SPTBN5: variants seen among roughly 807,000 people sequenced by gnomAD.
SPTBN5 encodes the protein spectrin beta chain, non-erythrocytic 5.
A neutral mutation model predicts 477.6 loss-of-function variants in SPTBN5; 513 were observed. The observed-to-expected ratio is 1.07, with a 90% confidence interval of 1.00 to 1.16. SPTBN5 has a LOEUF of 1.16. Ranked by LOEUF, SPTBN5 falls within the 50% of genes most tolerant of loss-of-function variation. The probability of loss-of-function intolerance (pLI) is 0.00; values close to 1 mark genes in which losing one functional copy is unlikely to be tolerated. For synonymous variants in SPTBN5, 2,169 were observed against 2,011.7 expected (o/e 1.08, Z -2.09); for missense variants, 5,062 against 4,731.8 (o/e 1.07, Z -2.05).
rs1220669399 is a variant in SPTBN5, at chr15:41,848,299, CAG to C, written c.*315_*316del. Reference sequence around the variant, plus strand: ...GCACACGTCTGCGTCTACCTGTGCTCAGAGTCACCCCTTCCAAGCAAGGAGGA... The same window carrying C: ...GCACACGTCTGCGTCTACCTGTGCTCAGTCACCCCTTCCAAGCAAGGAGGA... On this transcript the variant is annotated 3_prime_UTR_variant, in exon 68 of 68. Transcript: ENST00000320955. 2.3e-5 allele frequency: 12 copies of C among 528,478 alleles called. No individual in the cohort carries two copies. Among genetic ancestry groups the C allele is most frequent in the South Asian group, 1.1e-4 (5 of 47,030 alleles). 32.7% of individuals were successfully genotyped at this position (528,478 alleles called of 1,614,324 possible).
Position 41,855,420 on chromosome 15 carries a change from A to T in SPTBN5, c.9227T>A (p.Val3076Glu). 1.2e-6 allele frequency: 2 copies of T among 1,601,882 alleles called. No homozygotes were observed. The highest frequency in any genetic ancestry group is 1.7e-6 in the Non-Finnish European group (2 of 1,175,956). ...CCGAACTGCCTGCAGCTGGGCTAGC[A>T]CCTTGGGGCTGTGGGAAGAGAGCGA... ...ESRKNPESPK[V>E]LAQLQAVREA... Residue 3076 changes from valine to glutamate, a missense_variant, in exon 55 of 68, where the codon GTG (valine) becomes GAG (glutamate). Physicochemically the swap from Val to Glu is moderately radical, Grantham distance 121. Transcript: ENST00000320955.
rs370876817 is a variant in SPTBN5 at position 41,879,783 on chromosome 15, G to A, written c.2893C>T (p.Pro965Ser). 88 of 1,613,942 alleles carry A rather than the reference G, an allele frequency of 5.5e-5. No individual in the cohort carries two copies. The highest frequency in any genetic ancestry group is 6.9e-5 in the Non-Finnish European group (82 of 1,179,922). ...CGTTGGATTTGTGTGGAGTTCCCAG[G>A]ATATCTCTGCCTCAGTTGCTCAGCA... ...SSAEQLRQRY[P>S]GNSTQIQRQQ... is the part of the protein sequence containing the mutation. Residue 965 changes from proline to serine, a missense_variant, in exon 15 of 68, where the codon CCT becomes TCT. Pro to Ser is a moderately conservative substitution (Grantham distance 74). Transcript: ENST00000320955.
Position 41,868,223 on chromosome 15 carries a change from G to C in SPTBN5, c.6058-5C>G, listed in dbSNP as rs1412443101. On this transcript the variant is annotated splice_region_variant and splice_polypyrimidine_tract_variant and intron_variant, in intron 33 of 67. Transcript: ENST00000320955. Reference sequence around the variant, plus strand: ...GGCTCGAAGCTCTTCCTGGACCTGGGGATGGACACATGAGGAGCCTCAGCT... The same window carrying C: ...GGCTCGAAGCTCTTCCTGGACCTGGCGATGGACACATGAGGAGCCTCAGCT... 1 of 1,581,036 alleles carries C rather than the reference G, an allele frequency of 6.3e-7. No individual in the cohort carries two copies. The highest frequency in any genetic ancestry group is 1.8e-5 in the Admixed American group (1 of 54,972).
At position 41,883,217 on chromosome 15, in the gene SPTBN5, C is replaced by T. The variant is rs1284669923; in HGVS notation, c.1671G>A (p.Arg557=). 6.2e-7 allele frequency: 1 copy of T among 1,610,266 alleles called. No homozygotes were observed. The highest frequency in any genetic ancestry group is 8.5e-7 in the Non-Finnish European group (1 of 1,178,602). ...CCAGCTGCTGCCCACAGGCGGTGGA[C>T]CTGGCCGGCTCCTGGCCAGAGATGA... ...HQLEELQEPA[R]STACGQQLAE... is the part of the protein sequence containing the mutation. Residue 557 remains arginine, a synonymous_variant, in exon 9 of 68, where the codon AGG becomes AGA. Transcript: ENST00000320955.
intron 26 of SPTBN5, 150 bp from the exon 27 acceptor site, chr15:41,872,609 C>T: frequency 1.3e-6 from 1 of 791,760 alleles, no homozygotes; most frequent in Non-Finnish European, 2.0e-6. Flanking sequence ...TCCACCCACC[C>T]AGCATCCATC....
chr15:41,860,854 A>C, intron 46 of SPTBN5, 96 bp from the exon 47 acceptor site: 15 of 1,238,844 alleles, frequency 1.2e-5, no homozygotes, highest in African/African-American at 1.6e-5. Flanking sequence ...CCAAATGCTC[A>C]TCCACAGAGC....
rs555207594 is a variant in SPTBN5 at position 41,882,139 on chromosome 15, C to G, written c.2254G>C (p.Ala752Pro). The G allele has an allele frequency of 3.2e-6, 5 of 1,571,996 alleles. No homozygotes were observed. Among genetic ancestry groups the G allele is most frequent in the Non-Finnish European group, 4.3e-6 (5 of 1,169,954 alleles). The change falls in exon 12 of 68, where the codon GCG (alanine) becomes CCG (proline). Residue 752 changes from alanine (A) to proline (P), a missense_variant. Coordinates refer to ENST00000320955, the MANE Select transcript of SPTBN5 (RefSeq NM_016642.4). ...CACGAAGCCGCCTCCGCCGCGTCCGCGAAGTACTGTGGGAGGGGGTCGGGG... is the reference window on the plus strand; with the variant it reads ...CACGAAGCCGCCTCCGCCGCGTCCGGGAAGTACTGTGGGAGGGGGTCGGGG... The part of the protein sequence containing the change: ...QTALLVLQYF[A>P]DAAEAASWLR...
chr15:41,879,559 C>T, intron 15 of SPTBN5, 60 bp from the exon 16 acceptor site: 2 of 1,517,128 alleles, frequency 1.3e-6, no homozygotes, highest in Non-Finnish European at 1.8e-6. Flanking sequence ...CATCCGGGAG[C>T]CTTGGCCAGA....
chr15:41,876,656 C>T lies in SPTBN5; in HGVS notation c.3852-9G>A, dbSNP rs1226260926. On this transcript the variant is annotated splice_polypyrimidine_tract_variant and intron_variant, in intron 19 of 67. Coordinates refer to ENST00000320955, the MANE Select transcript of SPTBN5 (RefSeq NM_016642.4). ...GCAGCTGCTCTCTGACCCTGGAGGG[C>T]GGGGGGGGGTTGGAGGAGGGCATGG... is the stretch of plus-strand genomic sequence containing the variant. The T allele has an allele frequency of 6.2e-5, 44 of 705,786 alleles. No individual in the cohort carries two copies. Among genetic ancestry groups the T allele is most frequent in the Admixed American group, 1.1e-4 (4 of 35,904 alleles). The allele number at this position is 705,786 out of a possible 1,614,324, so 43.7% of individuals were successfully genotyped here. A position where few individuals can be genotyped will look rare whatever the true frequency, so the allele number is the denominator to read the frequency against.
Position 41,882,031 on chromosome 15 carries a change from C to T in SPTBN5, c.2362G>A (p.Val788Met), listed in dbSNP as rs1262526793. ...AAAETLLRRH[V>M]RLERVLRAFA... Reference sequence around the variant, plus strand: ...GCGCGCAGGACGCGCTCCAGCCGCACGTGGCGCCTCAGCAGGGTCTCGGCG... The same window carrying T: ...GCGCGCAGGACGCGCTCCAGCCGCATGTGGCGCCTCAGCAGGGTCTCGGCG... The change falls in exon 12 of 68, where the codon GTG (valine) becomes ATG (methionine). Residue 788 changes from valine (V) to methionine (M), a missense_variant. Physicochemically the swap from Val to Met is conservative, Grantham distance 21. Coordinates refer to ENST00000320955, the MANE Select transcript of SPTBN5 (RefSeq NM_016642.4). 1 of 1,547,642 alleles carries T rather than the reference C, an allele frequency of 6.5e-7. No individual in the cohort carries two copies. Among genetic ancestry groups the T allele is most frequent in the Admixed American group, 1.9e-5 (1 of 53,826 alleles).
chr15:41,850,121 T>A (rs2065702858), intron 66 of SPTBN5, 162 bp from the exon 67 acceptor site: 1 of 631,120 alleles, frequency 1.6e-6, no homozygotes, highest in Non-Finnish European at 2.8e-6. Flanking sequence ...GCTGAGCACT[T>A]GTGGGCAGGT....
Position 41,893,447 on chromosome 15 carries a change from G to C in SPTBN5, c.51C>G (p.His17Gln). 4.3e-6 allele frequency: 7 copies of C among 1,610,156 alleles called. No individual in the cohort carries two copies. Among genetic ancestry groups the C allele is most frequent in the Non-Finnish European group, 5.9e-6 (7 of 1,179,206 alleles). Residue 17 changes from histidine (H) to glutamine (Q), a missense_variant, in exon 2 of 68, where the codon CAC becomes CAG. Coordinates refer to ENST00000320955, the MANE Select transcript of SPTBN5 (RefSeq NM_016642.4). ...SPRELLGAAG[H>Q]RSRRPSTELR... ...GTTCTGTGCTGGGCCTCCTGCTGCG[G>C]TGCCCTGCAGCCCCGAGGAGCTCCC...
In SPTBN5 at chr15:41,882,367, C is replaced by A. The variant is rs1297647845; in HGVS notation, c.2149G>T (p.Gly717Trp). 2.0e-6 allele frequency: 3 copies of A among 1,536,220 alleles called. No individual in the cohort carries two copies. In the African/African-American group the frequency reaches 4.1e-5, roughly 21 times the overall value. Residue 717 changes from glycine (G) to tryptophan (W), a missense_variant, in exon 11 of 68, where the codon GGG (glycine) becomes TGG (tryptophan). Gly to Trp is a radical substitution (Grantham distance 184). Coordinates refer to ENST00000320955, the MANE Select transcript of SPTBN5 (RefSeq NM_016642.4). ...ARRPPTQPDP[G>W]ERAEAVQGGW... ...CCCTGAACGGCCTCTGCCCGTTCCC[C>A]GGGATCCGGCTGCGTTGGGGGCCTG...
In SPTBN5 at chr15:41,866,222, T is replaced by G. The variant is rs1255240559; in HGVS notation, c.6638A>C (p.Glu2213Ala). 4 of 1,592,216 alleles carry G rather than the reference T, an allele frequency of 2.5e-6. No individual in the cohort carries two copies. In the South Asian group the frequency reaches 3.4e-5, roughly 13 times the overall value. The change falls in exon 38 of 68, where the codon GAG becomes GCG. Residue 2213 changes from glutamate to alanine, a missense_variant. Physicochemically the swap from Glu to Ala is moderately radical, Grantham distance 107. Transcript: ENST00000320955. ...AGGGTGACTCTGTGCCAGGAGAGCCTCTCCCTTCTGGAGGGAGAGAGGGGA... is the reference window on the plus strand; with the variant it reads ...AGGGTGACTCTGTGCCAGGAGAGCCGCTCCCTTCTGGAGGGAGAGAGGGGA... The part of the protein sequence containing the change: ...EVMTSVAKKG[E>A]ALLAQSHPRA...
At chr15:41,868,663 G>T in intron 32 of SPTBN5, 62 bp from the exon 33 acceptor site, 1 of 1,549,576 alleles carries the variant, frequency 6.5e-7, no homozygotes, top group Non-Finnish European at 8.8e-7. Flanking sequence ...AGGAAACCAG[G>T]TGCTGAGGCA....
chr15:41,860,456 C>T (rs529207951), intron 47 of SPTBN5, 130 bp downstream of exon 47: 1 of 1,066,462 alleles, frequency 9.4e-7, no homozygotes, highest in African/African-American at 1.6e-5. Flanking sequence ...CCCCCGGCAT[C>T]TGACCTCAGT....
rs8025684 is a variant in SPTBN5 at position 41,866,600 on chromosome 15, C to T, written c.6481-107G>A. The T allele has an allele frequency of 3.8e-3, 4,787 of 1,268,850 alleles. 133 individuals carry two copies. In the African/African-American group the frequency reaches 0.065, roughly 17 times the overall value. 78.6% of individuals were successfully genotyped at this position (1,268,850 alleles called of 1,614,324 possible). ...CAGGAGGCTGGCCTCAGGGGTGGGGCGGGCAGCACCTGGTAAATGAGCCCT... is the reference window on the plus strand; with the variant it reads ...CAGGAGGCTGGCCTCAGGGGTGGGGTGGGCAGCACCTGGTAAATGAGCCCT... On this transcript the variant is annotated intron_variant, in intron 36 of 67. Transcript: ENST00000320955.
intron 5 of SPTBN5, 132 bp from the exon 6 acceptor site, chr15:41,887,573 T>G: frequency 1.3e-6 from 1 of 753,196 alleles, no homozygotes; most frequent in Non-Finnish European, 2.2e-6. Context: ...GACAGTTATC[T>G]GAGGCCCTGT....
Position 41,883,159 on chromosome 15 carries a change from G to T in SPTBN5, c.1729C>A (p.Leu577Met), listed in dbSNP as rs760013582. The change falls in exon 9 of 68, where the codon CTG becomes ATG. Residue 577 changes from leucine (L) to methionine (M), a missense_variant. By Grantham distance (15) the Leu-to-Met change is conservative. Coordinates refer to ENST00000320955, the MANE Select transcript of SPTBN5 (RefSeq NM_016642.4). ...TGGGCCGAGACTTGAGCCTCCAGCA[G>T]GTCATGCCTCTGCAGCAGCTCCACC... ...EVVELLQRHD[L>M]LEAQVSAHGA... 4 of 1,612,928 alleles carry T rather than the reference G, an allele frequency of 2.5e-6. No homozygotes were observed. The highest frequency in any genetic ancestry group is 3.4e-6 in the Non-Finnish European group (4 of 1,179,800).
Sources: allele counts gnomAD v4.1 joint callset, GRCh38; gene constraint gnomAD v4.1.1; transcripts MANE v1.5; gene names NCBI Gene and HGNC (gene_info 2026-07-23, HGNC 2026-07-21).